TNKS2: variants seen among roughly 807,000 people sequenced by gnomAD.
TNKS2 encodes the protein tankyrase 2.
TNKS2 carries 72 observed loss-of-function variants against 137.6 expected under a neutral mutation model. The ratio of observed to expected loss-of-function variants is 0.52; its 90% CI spans 0.43 to 0.64. The LOEUF (loss-of-function observed/expected upper bound fraction) is 0.64, where lower values mean the gene tolerates loss of function less well. Ranked by LOEUF, TNKS2 falls within the 30% of genes least tolerant of loss-of-function variation. The pLI is 0.00. For missense variants in TNKS2, 1,049 were observed against 1,410.2 expected (o/e 0.74, Z 4.10); for synonymous variants, 516 against 512.1 (o/e 1.01, Z -0.10).
intron 1 of TNKS2, among the ~76,000 whole-genome samples, chr10:91,802,627 A>G (rs1844204901): frequency 6.6e-6 from 1 of 152,242 alleles, no homozygotes; most frequent in Non-Finnish European, 1.5e-5. Flanking sequence ...TCAGCTACCA[A>G]AGATATACTA....
chr10:91,821,085 T>C (rs1844874841), intron 6 of TNKS2, among the ~76,000 whole-genome samples: 1 of 152,180 alleles, frequency 6.6e-6, no homozygotes, highest in Non-Finnish European at 1.5e-5. Flanking sequence ...TCGCCCAGGC[T>C]GGAGTGCAGT....
At chr10:91,801,660 G>A (rs531029215) in intron 1 of TNKS2, among the ~76,000 whole-genome samples, 3 of 143,794 alleles carry the variant, frequency 2.1e-5, no homozygotes, top group Admixed American at 2.1e-4. Flanking sequence ...TTTTAGTAGA[G>A]ACAGGGTTTC....
At chr10:91,818,132 G>C (rs1199704783) in intron 3 of TNKS2, among the ~76,000 whole-genome samples, 1 of 152,188 alleles carries the variant, frequency 6.6e-6, no homozygotes, top group East Asian at 1.9e-4. Context: ...ACTAGTCCAT[G>C]TTATTCCATG....
intron 13 of TNKS2, among the ~76,000 whole-genome samples, chr10:91,838,333 T>G (rs1842096341): frequency 6.6e-6 from 1 of 152,086 alleles, no homozygotes; most frequent in Non-Finnish European, 1.5e-5. Flanking sequence ...TAAAATCACT[T>G]GATGGACATT....
At chr10:91,835,115 A>G (rs1044755059) in intron 12 of TNKS2, among the ~76,000 whole-genome samples, 1 of 152,138 alleles carries the variant, frequency 6.6e-6, no homozygotes, top group Admixed American at 6.5e-5. Flanking sequence ...TGTGTGAATT[A>G]CAGAAGTAAT....
intron 17 of TNKS2, 151 bp downstream of exon 17, chr10:91,845,179 C>A: frequency 1.5e-6 from 1 of 652,462 alleles, no homozygotes. Flanking sequence ...AATTTCGGTT[C>A]TGAATCTGTT....
At chr10:91,840,376 A>G (rs1252064353) in intron 13 of TNKS2, among the ~76,000 whole-genome samples, 185 bp from the exon 14 acceptor site, 1 of 152,130 alleles carries the variant, frequency 6.6e-6, no homozygotes, top group South Asian at 2.1e-4. Context: ...GGCATGGATG[A>G]GAGGACCAGA....
At chr10:91,836,001 G>GTA (rs1491564595) in intron 12 of TNKS2, among the ~76,000 whole-genome samples, 3 of 3,686 alleles carry the variant, frequency 8.1e-4, no homozygotes, top group Non-Finnish European at 1.8e-3. Flanking sequence ...TAAGAATACC[G>GTA]TGTGTGTGTG....
intron 19 of TNKS2, 45 bp downstream of exon 19, chr10:91,848,680 C>G (rs779141317): frequency 9.4e-6 from 15 of 1,593,418 alleles, no homozygotes; most frequent in Non-Finnish European, 1.3e-5. Flanking sequence ...TATTGTAGCC[C>G]CGTATTTGTC....
intron 2 of TNKS2, among the ~76,000 whole-genome samples, chr10:91,813,857 A>G (rs1368671616): frequency 2.6e-5 from 4 of 152,160 alleles, no homozygotes; most frequent in African/African-American, 9.7e-5. Flanking sequence ...ACTTCATAGC[A>G]CGAGGCATTA....
intron 25 of TNKS2, 112 bp from the exon 26 acceptor site, chr10:91,861,887 T>C: frequency 1.1e-6 from 1 of 916,006 alleles, no homozygotes; most frequent in Non-Finnish European, 1.6e-6. Flanking sequence ...ATAAAAACAA[T>C]TATAAGTATT....
intron 1 of TNKS2, among the ~76,000 whole-genome samples, chr10:91,809,622 C>T (rs771579813): frequency 2.7e-5 from 4 of 150,522 alleles, no homozygotes; most frequent in Non-Finnish European, 4.4e-5. Context: ...GCCGAGATTG[C>T]GCCACTGCAA....
rs768415388 is a variant in TNKS2 at position 91,859,583 on chromosome 10, A to G, written c.3216A>G (p.Val1072=). The G allele has an allele frequency of 2.5e-6, 4 of 1,613,910 alleles. No individual in the cohort carries two copies. The highest frequency in any genetic ancestry group is 2.7e-5 in the African/African-American group (2 of 74,938). ...AENSSKSNQY[V]YGIGGGTGCP... is the part of the protein sequence containing the mutation. ...ACTCTTCCAAAAGCAATCAATATGT[A>G]TATGGAATTGGAGGAGGTACTGGGT... Residue 1072 remains valine (V), a synonymous_variant, in exon 25 of 27, where the codon GTA becomes GTG. Transcript: ENST00000371627.
chr10:91,849,882 TC>T (rs112536332), intron 20 of TNKS2, among the ~76,000 whole-genome samples: 28,904 of 152,158 alleles, frequency 0.19, 2,841 homozygotes, highest in Middle Eastern at 0.28. Flanking sequence ...CAGTTCTCTC[TC>T]AAGCCTGACA....
chr10:91,807,577 C>T (rs1844366696), intron 1 of TNKS2: 5 of 788,184 alleles, frequency 6.3e-6, no homozygotes, highest in Non-Finnish European at 1.1e-5. Flanking sequence ...GACTCCTTTT[C>T]ATATACTGTG....
chr10:91,826,217 G>A (rs538921923), intron 7 of TNKS2, among the ~76,000 whole-genome samples: 32 of 152,268 alleles, frequency 2.1e-4, no homozygotes, highest in African/African-American at 6.5e-4. Flanking sequence ...TTTTGTGCAC[G>A]AATTAAGTTT....
intron 8 of TNKS2, among the ~76,000 whole-genome samples, chr10:91,827,505 A>T (rs970199521): frequency 6.6e-6 from 1 of 152,038 alleles, no homozygotes; most frequent in East Asian, 1.9e-4. Flanking sequence ...CTTTGATATG[A>T]TTTTTCTGTT....
chr10:91,819,620 T>C, intron 5 of TNKS2, 63 bp downstream of exon 5: 1 of 1,235,704 alleles, frequency 8.1e-7, no homozygotes, highest in Non-Finnish European at 1.1e-6. Flanking sequence ...AAGATGTGTT[T>C]ATCTTATGAT....
At chr10:91,837,721 G>A (rs183471694) in intron 13 of TNKS2, among the ~76,000 whole-genome samples, 7 of 152,336 alleles carry the variant, frequency 4.6e-5, no homozygotes, top group African/African-American at 7.2e-5. Flanking sequence ...TTAGCTGGGC[G>A]TAGTGGGATG....
Sources: gnomAD v4.1 joint callset for allele counts (sites outside exome capture counted in the v4.1 genomes callset) on GRCh38, gnomAD v4.1.1 for gene constraint, MANE v1.5 for transcripts, NCBI Gene and HGNC (gene_info 2026-07-23, HGNC 2026-07-21) for gene names.